The following CACNA2D3 variants were observed in gnomAD, a reference collection of about 807,000 sequenced individuals.
CACNA2D3 encodes calcium voltage-gated channel auxiliary subunit alpha2delta 3, also known as voltage-dependent calcium channel subunit alpha-2/delta-3.
A neutral mutation model predicts 160.6 loss-of-function variants in CACNA2D3; 60 were observed. The ratio of observed to expected loss-of-function variants is 0.37; its 90% confidence interval spans 0.30 to 0.46. The LOEUF (loss-of-function observed/expected upper bound fraction) is 0.46, where lower values mean the gene tolerates loss of function less well. CACNA2D3 is among the 20% of genes least tolerant of loss of function. CACNA2D3 has a pLI of 1.00. For missense variants in CACNA2D3, 1,205 were observed against 1,365.0 expected, an observed-to-expected ratio of 0.88 and a Z score of 1.85; for synonymous variants, 558 against 492.9, an observed-to-expected ratio of 1.13 and a Z score of -1.75.
intron 4 of CACNA2D3, among the ~76,000 whole-genome samples, chr3:54,476,103 T>C (rs1367984245): frequency 6.6e-6 from 1 of 150,990 alleles, no homozygotes; most frequent in East Asian, 1.9e-4. Flanking sequence ...TATTTGTCTT[T>C]CTGTGCCTGG....
chr3:55,009,686 G>A lies in CACNA2D3; in HGVS notation c.2875+243G>A, dbSNP rs971079549. ...CATCTTGACCTGTTTCCTTAACTAA[G>A]GCTTTGAGGTCATACATTGCACAGG... is the stretch of plus-strand genomic sequence containing the variant. On this transcript the variant is annotated intron_variant, in intron 34 of 37. Transcript: ENST00000474759. 2.5e-4 allele frequency among the ~76,000 whole-genome samples: 38 copies of A among 152,138 alleles called. 1 individual carries two copies. Among genetic ancestry groups the A allele is most frequent in the Non-Finnish European group, 1.5e-5 (1 of 68,032 alleles).
chr3:54,860,760 C>G (rs1283377565), intron 17 of CACNA2D3, among the ~76,000 whole-genome samples: 1 of 152,154 alleles, frequency 6.6e-6, no homozygotes, highest in Non-Finnish European at 1.5e-5. Flanking sequence ...CTCTATGGAG[C>G]AGAGCAGTCT....
chr3:54,631,364 G>A (rs1465125507), intron 10 of CACNA2D3, among the ~76,000 whole-genome samples: 1 of 152,108 alleles, frequency 6.6e-6, no homozygotes, highest in African/African-American at 2.4e-5. Flanking sequence ...CTTTTAAATA[G>A]CTAAACTCTT....
intron 3 of CACNA2D3, among the ~76,000 whole-genome samples, chr3:54,322,818 T>TAA (rs377641296): frequency 1.4e-5 from 2 of 143,614 alleles, no homozygotes; most frequent in African/African-American, 5.1e-5. Context: ...TTAGTGAAGA[T>TAA]AAAAAAAAAA....
chr3:54,579,110 T>C (rs1293672896), intron 8 of CACNA2D3, among the ~76,000 whole-genome samples: 2 of 152,100 alleles, frequency 1.3e-5, no homozygotes, highest in African/African-American at 2.4e-5. Context: ...AGAATGTCAA[T>C]GAAGTGATTC....
chr3:54,987,221 T>C (rs558872274), intron 30 of CACNA2D3, among the ~76,000 whole-genome samples: 1 of 152,328 alleles, frequency 6.6e-6, no homozygotes, highest in South Asian at 2.1e-4. Context: ...AGGAACTTTA[T>C]TGGGCTGATG....
chr3:54,919,914 C>G (rs773751872), intron 27 of CACNA2D3, among the ~76,000 whole-genome samples: 1 of 152,194 alleles, frequency 6.6e-6, no homozygotes, highest in South Asian at 2.1e-4. Context: ...CTCGCTGCCT[C>G]GCCACATCCT....
chr3:54,760,787 C>T (rs1022816678), intron 12 of CACNA2D3, among the ~76,000 whole-genome samples: 1 of 151,968 alleles, frequency 6.6e-6, no homozygotes, highest in African/African-American at 2.4e-5. Context: ...TATGTTTTGG[C>T]CTCTCTGGGA....
chr3:55,069,907 A>T (rs1013302966), intron 35 of CACNA2D3, among the ~76,000 whole-genome samples: 2 of 152,214 alleles, frequency 1.3e-5, no homozygotes, highest in African/African-American at 4.8e-5. Context: ...TTATAATGAT[A>T]CTTTGTGACT....
Position 55,074,404 on chromosome 3 carries a change from CTTTGCCAGTCATGCAAATGTGAG to C in CACNA2D3, c.*206_*228del, listed in dbSNP as rs1704906316. On this transcript the variant is annotated 3_prime_UTR_variant, in exon 38 of 38. Transcript: ENST00000474759. Reference sequence around the variant, plus strand: ...CAAAAAGTTATCTATCATCTTTTTACTTTGCCAGTCATGCAAATGTGAGTTTGCCACATGATAATCACCCTTCA... The same window carrying C: ...CAAAAAGTTATCTATCATCTTTTTACTTTGCCACATGATAATCACCCTTCA... The C allele has an allele frequency of 1.7e-5, 10 of 571,574 alleles. No individual in the cohort carries two copies. The highest frequency in any genetic ancestry group is 2.8e-5 in the Non-Finnish European group (9 of 319,994). The allele number at this position is 571,574 out of a possible 1,614,324, so 35.4% of individuals were successfully genotyped here.
intron 4 of CACNA2D3, among the ~76,000 whole-genome samples, chr3:54,389,041 A>G (rs1699236063): frequency 6.6e-6 from 1 of 152,210 alleles, no homozygotes; most frequent in Admixed American, 6.5e-5. Flanking sequence ...TGGGTGGCTC[A>G]CACCTGTAGT....
At chr3:54,691,316 G>T (rs1700566274) in intron 11 of CACNA2D3, among the ~76,000 whole-genome samples, 2 of 152,146 alleles carry the variant, frequency 1.3e-5, no homozygotes, top group Non-Finnish European at 2.9e-5. Flanking sequence ...AAGATATTCT[G>T]GTCAAATTTC....
At chr3:54,141,095 G>GCGCGCGCGCGCGCACGTA (rs1426764804) in intron 2 of CACNA2D3, among the ~76,000 whole-genome samples, 4 of 104,854 alleles carry the variant, frequency 3.8e-5, no homozygotes, top group African/African-American at 1.6e-4. Context: ...GTGCGCGCGC[G>GCGCGCGCGCGCGCACGTA]CGCGTGTGTG....
At chr3:54,746,122 C>CA (rs1451317575) in intron 11 of CACNA2D3, among the ~76,000 whole-genome samples, 31 of 152,170 alleles carry the variant, frequency 2.0e-4, no homozygotes, top group African/African-American at 7.0e-4. Flanking sequence ...CCTTTGGAGT[C>CA]AACCTTCTTT....
chr3:54,357,497 T>C (rs1056185605), intron 3 of CACNA2D3, among the ~76,000 whole-genome samples: 11 of 152,226 alleles, frequency 7.2e-5, no homozygotes, highest in Non-Finnish European at 1.5e-4. Context: ...ACAGCCACTT[T>C]GGAAGATGAC....
At chr3:54,564,028 A>G (rs1478473983) in intron 6 of CACNA2D3, among the ~76,000 whole-genome samples, 1 of 152,236 alleles carries the variant, frequency 6.6e-6, no homozygotes, top group African/African-American at 2.4e-5. Flanking sequence ...GTGGACGATT[A>G]AAGTTCCAGT....
intron 2 of CACNA2D3, among the ~76,000 whole-genome samples, chr3:54,204,053 C>A (rs181318426): frequency 2.0e-5 from 3 of 152,120 alleles, no homozygotes; most frequent in Admixed American, 2.0e-4. Context: ...GGAACTCACA[C>A]CTTTTTTCTT....
intron 9 of CACNA2D3, among the ~76,000 whole-genome samples, chr3:54,603,713 T>C (rs1316997638): frequency 6.6e-6 from 1 of 152,218 alleles, no homozygotes; most frequent in African/African-American, 2.4e-5. Flanking sequence ...TGTTTTCTCA[T>C]GTTTAAAAAG....
At chr3:54,772,158 A>G (rs188094818) in intron 13 of CACNA2D3, among the ~76,000 whole-genome samples, 1 of 148,580 alleles carries the variant, frequency 6.7e-6, no homozygotes, top group Non-Finnish European at 1.5e-5. Flanking sequence ...ATTATCTAGT[A>G]TGTTTGGACA....
Sources: allele counts gnomAD v4.1 joint callset (sites outside exome capture counted in the v4.1 genomes callset), GRCh38; gene constraint gnomAD v4.1.1; transcripts MANE v1.5; gene names NCBI Gene and HGNC (gene_info 2026-07-23, HGNC 2026-07-21).